ATL2: variants seen among roughly 807,000 people sequenced by gnomAD.
ATL2 encodes atlastin-2.
Under a neutral mutation model 73.9 loss-of-function variants are expected in ATL2, and 31 were observed. The observed-to-expected ratio is 0.42, with a 90% CI of 0.32 to 0.57. ATL2 has a LOEUF of 0.57. Among genes scored for constraint, ATL2 ranks in the 20% least tolerant of loss-of-function variants. The pLI is 0.14. For synonymous variants in ATL2, 291 were observed against 237.5 expected (o/e 1.23, Z -2.07); for missense variants, 738 against 702.6 (o/e 1.05, Z -0.57).
intron 12 of ATL2, 191 bp from the exon 13 acceptor site, chr2:38,296,304 C>G (rs1216576864): frequency 6.9e-7 from 1 of 1,442,350 alleles, no homozygotes; most frequent in African/African-American, 1.4e-5. Context: ...AAATTACTTT[C>G]CTCTTATTCA....
At chr2:38,346,801 A>G (rs1335101657) in intron 1 of ATL2, among the ~76,000 whole-genome samples, 1 of 152,178 alleles carries the variant, frequency 6.6e-6, no homozygotes, top group Non-Finnish European at 1.5e-5. Context: ...GTACCAGTCC[A>G]CGGCCCTAGG....
chr2:38,359,690 T>C (rs1573572067), intron 1 of ATL2: 1 of 152,322 alleles, frequency 6.6e-6, no homozygotes, highest in African/African-American at 2.4e-5. Context: ...AAAATACTTT[T>C]ATGCATTTAT....
chr2:38,310,798 C>T (rs1029157726), intron 7 of ATL2, among the ~76,000 whole-genome samples: 3 of 152,032 alleles, frequency 2.0e-5, no homozygotes, highest in Non-Finnish European at 2.9e-5. Context: ...CCACCATGCC[C>T]GGCTAATTTT....
At chr2:38,321,070 G>A (rs993966257) in intron 2 of ATL2, among the ~76,000 whole-genome samples, 1 of 152,018 alleles carries the variant, frequency 6.6e-6, no homozygotes, top group Non-Finnish European at 1.5e-5. Context: ...GAGGAGAATC[G>A]CTTGAACCCG....
chr2:38,305,436 C>T (rs1667397612), intron 9 of ATL2, among the ~76,000 whole-genome samples: 1 of 152,056 alleles, frequency 6.6e-6, no homozygotes, highest in African/African-American at 2.4e-5. Context: ...GTAGTCTCAG[C>T]TACTCAGGAG....
intron 1 of ATL2, chr2:38,376,661 G>A (rs942390625): frequency 1.3e-5 from 2 of 152,544 alleles, no homozygotes; most frequent in African/African-American, 4.8e-5. Flanking sequence ...CTCCTCCGCG[G>A]GGCCCATCAT....
At chr2:38,340,171 T>G (rs867453571) in intron 2 of ATL2, among the ~76,000 whole-genome samples, 180 of 17,050 alleles carry the variant, frequency 0.011, 1 homozygote, top group African/African-American at 0.014. Context: ...TTAGTTTTGG[T>G]GGGGGGGGGG....
intron 9 of ATL2, among the ~76,000 whole-genome samples, chr2:38,302,989 G>A (rs1481131226): frequency 7.9e-5 from 12 of 152,190 alleles, no homozygotes; most frequent in African/African-American, 2.4e-4. Context: ...TAAAGCACCA[G>A]TGACCAATCC....
chr2:38,371,402 A>G (rs1411925280), intron 1 of ATL2, among the ~76,000 whole-genome samples: 2 of 151,988 alleles, frequency 1.3e-5, no homozygotes, highest in African/African-American at 2.4e-5. Context: ...TAGTTACTGA[A>G]GAGGCTGATT....
intron 10 of ATL2, among the ~76,000 whole-genome samples, chr2:38,299,848 CAG>C (rs1667092344): frequency 6.6e-6 from 1 of 152,058 alleles, no homozygotes; most frequent in Non-Finnish European, 1.5e-5. Flanking sequence ...ATTTGAAAGA[CAG>C]AAAAAGAAGT....
chr2:38,320,250 T>C (rs1668246437), intron 2 of ATL2, among the ~76,000 whole-genome samples: 2 of 152,158 alleles, frequency 1.3e-5, no homozygotes, highest in Admixed American at 6.5e-5. Flanking sequence ...TTAGATGGTG[T>C]TAAATTAGGG....
At chr2:38,315,060 T>C (rs1485256360) in intron 5 of ATL2, among the ~76,000 whole-genome samples, 1 of 152,218 alleles carries the variant, frequency 6.6e-6, no homozygotes, top group Non-Finnish European at 1.5e-5. Flanking sequence ...AAGACCAGCC[T>C]GACCAACATG....
intron 1 of ATL2, chr2:38,376,055 A>C: frequency 7.2e-7 from 1 of 1,381,132 alleles, no homozygotes; most frequent in East Asian, 2.5e-5. Flanking sequence ...AAAAAAAGAA[A>C]TCTTAAGACA....
Position 38,294,035 on chromosome 2 carries a change from G to A in ATL2, c.*1959C>T, listed in dbSNP as rs927871990. Among the ~76,000 whole-genome samples the A allele has an allele frequency of 1.7e-4, 26 of 152,200 alleles. No individual in the cohort carries two copies. Among genetic ancestry groups the A allele is most frequent in the African/African-American group, 6.0e-4 (25 of 41,442 alleles). ...ATTATTTTTTCATTCATAAAAAACAGTCCACAGCATTCATAAAACAGGGTG... is the reference window on the plus strand; with the variant it reads ...ATTATTTTTTCATTCATAAAAAACAATCCACAGCATTCATAAAACAGGGTG... On this transcript the variant is annotated 3_prime_UTR_variant, in exon 13 of 13. Coordinates refer to ENST00000378954, the MANE Select transcript of ATL2 (RefSeq NM_001135673.4).
intron 1 of ATL2, among the ~76,000 whole-genome samples, chr2:38,367,607 A>ACC (rs1671410543): frequency 2.0e-5 from 3 of 147,706 alleles, no homozygotes; most frequent in Non-Finnish European, 3.0e-5. Context: ...AAAAAAAAAA[A>ACC]AAAAAAAAAC....
At chr2:38,306,920 G>A (rs1331258221) in intron 9 of ATL2, among the ~76,000 whole-genome samples, 1 of 152,170 alleles carries the variant, frequency 6.6e-6, no homozygotes, top group Non-Finnish European at 1.5e-5. Flanking sequence ...GAAAATGACA[G>A]TGGCTTCAAT....
At chr2:38,297,087 A>C (rs548633547) in intron 12 of ATL2, among the ~76,000 whole-genome samples, 4 of 152,356 alleles carry the variant, frequency 2.6e-5, no homozygotes, top group African/African-American at 9.6e-5. Context: ...ATATCCAAAC[A>C]TAAACTTCCC....
chr2:38,298,364 G>C lies in ATL2; in HGVS notation c.1412C>G (p.Ala471Gly), dbSNP rs1478886269. Residue 471 changes from alanine (A) to glycine (G), a missense_variant, in exon 12 of 13, where the codon GCT becomes GGT. Coordinates refer to ENST00000378954, the MANE Select transcript of ATL2 (RefSeq NM_001135673.4). ...KHNDGKNIFY[A>G]ARTPATLFAV... ...AAACAGTGTGGCTGGGGTACGAGCA[G>C]CATAGAAGATATTTTTGCCATCATT... The C allele has an allele frequency of 1.2e-6, 2 of 1,614,196 alleles. No homozygotes were observed. The highest frequency in any genetic ancestry group is 2.2e-5 in the South Asian group (2 of 91,082).
intron 1 of ATL2, among the ~76,000 whole-genome samples, chr2:38,350,525 G>C (rs891576202): frequency 6.6e-6 from 1 of 152,098 alleles, no homozygotes; most frequent in African/African-American, 2.4e-5. Context: ...GAAATTGGTT[G>C]ATACCTGTCA....
Sources: allele counts gnomAD v4.1 joint callset (sites outside exome capture counted in the v4.1 genomes callset), GRCh38; gene constraint gnomAD v4.1.1; transcripts MANE v1.5; gene names NCBI Gene and HGNC (gene_info 2026-07-23, HGNC 2026-07-21).